The following CCDC88C variants were observed in gnomAD, a reference collection of about 807,000 sequenced individuals.
CCDC88C encodes coiled-coil and HOOK domain protein 88C.
CCDC88C carries 131 observed loss-of-function variants against 198.8 expected under a neutral mutation model. The observed-to-expected ratio is 0.66, with a 90% confidence interval of 0.57 to 0.76. The LOEUF is 0.76. Ranked by LOEUF, CCDC88C falls within the 30% of genes least tolerant of loss-of-function variation. CCDC88C has a pLI of 0.00. For missense variants in CCDC88C, 2,553 were observed against 2,631.6 expected (o/e 0.97, Z 0.65); for synonymous variants, 1,166 against 1,114.7 (o/e 1.05, Z -0.92).
At chr14:91,331,725 G>A (rs1485486296) in intron 10 of CCDC88C, among the ~76,000 whole-genome samples, 1 of 152,154 alleles carries the variant, frequency 6.6e-6, no homozygotes, top group East Asian at 1.9e-4. Context: ...CCACGGACAG[G>A]TGCACCCCAG....
chr14:91,342,731 C>T (rs772564219), intron 5 of CCDC88C, among the ~76,000 whole-genome samples: 69 of 152,310 alleles, frequency 4.5e-4, no homozygotes, highest in Non-Finnish European at 9.3e-4. Context: ...CAGGGTGGAA[C>T]ACAGAACGCT....
intron 25 of CCDC88C, among the ~76,000 whole-genome samples, chr14:91,285,051 C>T (rs1890345248): frequency 6.6e-6 from 1 of 152,160 alleles, no homozygotes; most frequent in Non-Finnish European, 1.5e-5. Context: ...AAAACCACAG[C>T]ACAGTCATAA....
intron 3 of CCDC88C, chr14:91,408,341 A>G (rs1035865157): frequency 3.4e-6 from 1 of 290,180 alleles, no homozygotes; most frequent in Non-Finnish European, 6.7e-6. Context: ...ACCTTCAGGA[A>G]GCCCATTCCA....
In CCDC88C at chr14:91,297,471, T is replaced by C; in HGVS notation, c.3800A>G (p.Gln1267Arg). 1.9e-6 allele frequency: 3 copies of C among 1,561,478 alleles called. No homozygotes were observed. Among genetic ancestry groups the C allele is most frequent in the Non-Finnish European group, 2.6e-6 (3 of 1,152,470 alleles). Residue 1267 changes from glutamine to arginine, a missense_variant, in exon 22 of 30, where the codon CAG (glutamine) becomes CGG (arginine). Physicochemically the swap from Gln to Arg is conservative, Grantham distance 43. This residue lies in a region of CCDC88C where 1,293 missense variants were observed against 1,219.6 expected (regional missense o/e 1.06). Coordinates refer to ENST00000389857, the MANE Select transcript of CCDC88C (RefSeq NM_001080414.4). ...CAGCTCCTCGTACTCCCCCTTCAGC[T>C]GGTGGTGCAGGAAATTGACCCTGGA... ...ELDRVNFLHH[Q>R]LKGEYEELHA...
At chr14:91,391,552 G>A (rs1051988198) in intron 3 of CCDC88C, among the ~76,000 whole-genome samples, 1 of 152,170 alleles carries the variant, frequency 6.6e-6, no homozygotes, top group Non-Finnish European at 1.5e-5. Context: ...GCCGAGGCGG[G>A]CAGATCACTC....
intron 3 of CCDC88C, among the ~76,000 whole-genome samples, chr14:91,389,453 C>T (rs1382639277): frequency 6.6e-6 from 1 of 152,194 alleles, no homozygotes; most frequent in Non-Finnish European, 1.5e-5. Context: ...TTTAGTCCTG[C>T]TTGATTTAAG....
At position 91,323,008 on chromosome 14, in the gene CCDC88C, C is replaced by T. The variant is rs185017805; in HGVS notation, c.1343-1704G>A. Among the ~76,000 whole-genome samples, 8 of 150,010 alleles carry T rather than the reference C, an allele frequency of 5.3e-5. No homozygotes were observed. In the East Asian group the frequency reaches 9.8e-4, roughly 18 times the overall value. On this transcript the variant is annotated intron_variant, in intron 12 of 29. Coordinates refer to ENST00000389857, the MANE Select transcript of CCDC88C (RefSeq NM_001080414.4). ...GCAACCTCCACCTCTCAGGTTCAAG[C>T]GATTCTCCGGCCTCAGCCTCCTGAG...
intron 3 of CCDC88C, chr14:91,384,459 T>C (rs1885002701): frequency 1.9e-6 from 1 of 525,648 alleles, no homozygotes; most frequent in Middle Eastern, 6.6e-4. Flanking sequence ...GATCCTTCTT[T>C]GGGTCATAGT....
chr14:91,303,916 C>T lies in CCDC88C; in HGVS notation c.3420G>A (p.Gln1140=), dbSNP rs1422425770. ...CCGTCTCCTTGGCCGTGTGGTGGTT[C>T]TGCAGCAGCGTGTACTGCGCGGTGA... ...AALTAQYTLL[Q]NHHTAKETEN... Residue 1140 remains glutamine (Q), a synonymous_variant, in exon 20 of 30, where the codon CAG becomes CAA. Coordinates refer to ENST00000389857, the MANE Select transcript of CCDC88C (RefSeq NM_001080414.4). 5.0e-6 allele frequency: 8 copies of T among 1,612,328 alleles called. No homozygotes were observed. The highest frequency in any genetic ancestry group is 6.8e-6 in the Non-Finnish European group (8 of 1,179,886).
In CCDC88C at chr14:91,292,713, C is replaced by G. The variant is rs1418913839; in HGVS notation, c.4112+1460G>C. ...ACCAATGCCTGCCCGGACGCCAATACCAGCCATTCCCGATCACGTGGAAGG... is the reference window on the plus strand; with the variant it reads ...ACCAATGCCTGCCCGGACGCCAATAGCAGCCATTCCCGATCACGTGGAAGG... On this transcript the variant is annotated intron_variant, in intron 23 of 29. Coordinates refer to ENST00000389857, the MANE Select transcript of CCDC88C (RefSeq NM_001080414.4). Among the ~76,000 whole-genome samples, 5 of 152,110 alleles carry G rather than the reference C, an allele frequency of 3.3e-5. No individual in the cohort carries two copies. In the South Asian group the frequency reaches 6.2e-4, roughly 19 times the overall value.
At chr14:91,414,415 G>C (rs1436134606) in intron 2 of CCDC88C, among the ~76,000 whole-genome samples, 1 of 152,082 alleles carries the variant, frequency 6.6e-6, no homozygotes, top group Non-Finnish European at 1.5e-5. Flanking sequence ...TACAGGCCAG[G>C]GTTCATTGTT....
chr14:91,366,173 C>CACAT (rs1410137664), intron 3 of CCDC88C, among the ~76,000 whole-genome samples: 1 of 143,434 alleles, frequency 7.0e-6, no homozygotes, highest in Non-Finnish European at 1.5e-5. Flanking sequence ...CACACACACA[C>CACAT]ACACACACAC....
chr14:91,409,716 G>A (rs1886704350), intron 2 of CCDC88C, among the ~76,000 whole-genome samples: 1 of 150,684 alleles, frequency 6.6e-6, no homozygotes, highest in Non-Finnish European at 1.5e-5. Context: ...TCGAACTCTT[G>A]ACCTCAAGTG....
At chr14:91,318,579 TC>T (rs1209845656) in intron 13 of CCDC88C, among the ~76,000 whole-genome samples, 6 of 152,088 alleles carry the variant, frequency 3.9e-5, no homozygotes, top group African/African-American at 1.2e-4. Flanking sequence ...CTCGTAGAAG[TC>T]CCATGAGGGA....
At chr14:91,329,644 C>T (rs1365621350) in intron 10 of CCDC88C, among the ~76,000 whole-genome samples, 6 of 152,362 alleles carry the variant, frequency 3.9e-5, no homozygotes, top group Non-Finnish European at 8.8e-5. Flanking sequence ...CCAGGTCCCC[C>T]TGCTTAGCAA....
At chr14:91,387,656 G>A (rs778856261) in intron 3 of CCDC88C, among the ~76,000 whole-genome samples, 4 of 152,156 alleles carry the variant, frequency 2.6e-5, no homozygotes, top group African/African-American at 7.2e-5. Flanking sequence ...AGAAGTGCAC[G>A]GGCCAGCTGT....
intron 2 of CCDC88C, among the ~76,000 whole-genome samples, chr14:91,414,378 T>A (rs1886936371): frequency 6.6e-6 from 1 of 152,174 alleles, no homozygotes; most frequent in African/African-American, 2.4e-5. Context: ...AGGGTTTGAA[T>A]CCCAGCTGGC....
intron 2 of CCDC88C, among the ~76,000 whole-genome samples, chr14:91,409,938 A>G (rs1346096589): frequency 6.6e-6 from 1 of 152,220 alleles, no homozygotes; most frequent in Non-Finnish European, 1.5e-5. Flanking sequence ...AAACTGGCAT[A>G]AACAATCTAT....
Position 91,294,308 on chromosome 14 carries a change from C to T in CCDC88C, c.3977G>A (p.Arg1326His), listed in dbSNP as rs758005836. 23 of 1,613,766 alleles carry T rather than the reference C, an allele frequency of 1.4e-5. No individual in the cohort carries two copies. The highest frequency in any genetic ancestry group is 1.6e-4 in the Middle Eastern group (1 of 6,084). ...KLDNHCELLSRLKGNLEEENH... is the reference protein window; with the variant it reads ...KLDNHCELLSHLKGNLEEENH... ...TTCTTCCTCCAAGTTCCCCTTGAGA[C>T]GGGAGAGCAGCTAGAACACAGACCA... The change falls in exon 23 of 30, where the codon CGT becomes CAT. Residue 1326 changes from arginine to histidine, a missense_variant. By Grantham distance (29) the Arg-to-His change is conservative (BLOSUM62 0). Around this residue, in one of 2 missense-constraint regions of CCDC88C, gnomAD observed 1,293 missense variants for 1,219.6 expected, o/e 1.06. Transcript: ENST00000389857.
Sources: allele counts gnomAD v4.1 joint callset (sites outside exome capture counted in the v4.1 genomes callset), GRCh38; gene constraint gnomAD v4.1.1; regional missense constraint gnomAD v4.1.1; transcripts MANE v1.5; gene names NCBI Gene and HGNC (gene_info 2026-07-23, HGNC 2026-07-21).